UBXN10: variants seen among roughly 807,000 people sequenced by gnomAD.
The protein encoded by UBXN10 is UBX domain protein 10.
In UBXN10, 6 loss-of-function variants were observed where a neutral mutation model predicts 6.9. The observed-to-expected ratio is 0.87, with a 90% CI of 0.48 to 1.72. The LOEUF (loss-of-function observed/expected upper bound fraction) is 1.72, where lower values mean the gene tolerates loss of function less well. Among genes scored for constraint, UBXN10 ranks in the 40% most tolerant of loss-of-function variants. The pLI is 0.01. For synonymous variants in UBXN10, 131 were observed against 135.2 expected (o/e 0.97, Z 0.21); for missense variants, 317 against 348.4 (o/e 0.91, Z 0.72).
At position 20,187,576 on chromosome 1, in the gene UBXN10, G is replaced by T. The variant is rs185364718; in HGVS notation, c.-16+1423G>T. ...CGTGTAACAGATGGTCCCTGTGCTC[G>T]GGAGGAGGCAGTGGGTTATGAAAGC... On this transcript the variant is annotated intron_variant, in intron 1 of 1. Coordinates refer to ENST00000375099, the MANE Select transcript of UBXN10 (RefSeq NM_152376.5). The surrounding 1 kb of genome is among the most constrained non-coding windows in gnomAD (Gnocchi z 4.6). 2.9e-3 allele frequency among the ~76,000 whole-genome samples: 441 copies of T among 152,316 alleles called. 9 individuals carry two copies. Among genetic ancestry groups the T allele is most frequent in the Non-Finnish European group, 6.8e-4 (46 of 68,022 alleles).
rs983675470 is a variant in UBXN10, at chr1:20,192,581, C to G, written c.*1177C>G. 2 of 167,108 alleles carry G rather than the reference C, an allele frequency of 1.2e-5. No homozygotes were observed. Among genetic ancestry groups the G allele is most frequent in the Non-Finnish European group, 2.9e-5 (2 of 68,158 alleles). 10.4% of individuals were successfully genotyped at this position (167,108 alleles called of 1,614,324 possible). Reference sequence around the variant, plus strand: ...AGTTTGCCAATGTTCTCTTCTATTGCAAGTTCAGCCAGACTCCATGACTCA... The same window carrying G: ...AGTTTGCCAATGTTCTCTTCTATTGGAAGTTCAGCCAGACTCCATGACTCA... On this transcript the variant is annotated 3_prime_UTR_variant, in exon 2 of 2. Coordinates refer to ENST00000375099, the MANE Select transcript of UBXN10 (RefSeq NM_152376.5).
chr1:20,188,231 A>C (rs895760414), intron 1 of UBXN10, among the ~76,000 whole-genome samples: 2 of 152,214 alleles, frequency 1.3e-5, no homozygotes, highest in Non-Finnish European at 2.9e-5. Context: ...TTTTGATGCC[A>C]AAAGTTTGCT....
At position 20,195,592 on chromosome 1, in the gene UBXN10, G is replaced by A. The variant is rs189894441; in HGVS notation, c.*4188G>A. On this transcript the variant is annotated 3_prime_UTR_variant, in exon 2 of 2. Coordinates refer to ENST00000375099, the MANE Select transcript of UBXN10 (RefSeq NM_152376.5). ...ACTTAGCTTGACCAATATCGCCAAC[G>A]TGGATTGTTTCTGCAAAAACAAACA... 2.8e-4 allele frequency: 46 copies of A among 167,216 alleles called. No homozygotes were observed. The highest frequency in any genetic ancestry group is 3.9e-4 in the East Asian group (2 of 5,192). The allele number at this position is 167,216 out of a possible 1,614,324, so 10.4% of individuals were successfully genotyped here. A position where few individuals can be genotyped will look rare whatever the true frequency, so the allele number is the denominator to read the frequency against.
upstream of UBXN10, among the ~76,000 whole-genome samples, chr1:20,185,822 A>T (rs1483615249): frequency 6.6e-6 from 1 of 152,172 alleles, no homozygotes; most frequent in African/African-American, 2.4e-5. Flanking sequence ...TGCCCCGGCC[A>T]GGGCTCTCCC....
intron 1 of UBXN10, among the ~76,000 whole-genome samples, chr1:20,190,209 A>C (rs2018465545): frequency 6.6e-6 from 1 of 152,136 alleles, no homozygotes; most frequent in African/African-American, 2.4e-5. Flanking sequence ...TCCTAAAAGA[A>C]TAAGAATTAG....
At chr1:20,186,759 T>C (rs896770437) in intron 1 of UBXN10, among the ~76,000 whole-genome samples, 1 of 152,196 alleles carries the variant, frequency 6.6e-6, no homozygotes, top group African/African-American at 2.4e-5. Flanking sequence ...TGTGGCACTC[T>C]GCATAGGACA....
At position 20,187,081 on chromosome 1, in the gene UBXN10, G is replaced by A. The variant is rs1035902562; in HGVS notation, c.-16+928G>A. Among the ~76,000 whole-genome samples the A allele has an allele frequency of 6.6e-6, 1 of 152,194 alleles. No individual in the cohort carries two copies. The highest frequency in any genetic ancestry group is 1.5e-5 in the Non-Finnish European group (1 of 68,030). On this transcript the variant is annotated intron_variant, in intron 1 of 1. Transcript: ENST00000375099. The surrounding 1 kb of genome is among the most constrained non-coding windows in gnomAD (Gnocchi z 4.6). ...GGGTGGTCTGACCCTGTGGTGGGTGGTGGGCACCCTTAGAAAGCAGGAGCC... is the reference window on the plus strand; with the variant it reads ...GGGTGGTCTGACCCTGTGGTGGGTGATGGGCACCCTTAGAAAGCAGGAGCC...
intron 1 of UBXN10, 125 bp from the exon 2 acceptor site, chr1:20,190,422 C>G (rs1447042442): frequency 8.1e-7 from 1 of 1,227,534 alleles, no homozygotes; most frequent in African/African-American, 1.5e-5. Context: ...TAAATTGCAG[C>G]TGGTGCCCCT....
At position 20,196,002 on chromosome 1, in the gene UBXN10, A is replaced by G. The variant is rs1411859988; in HGVS notation, c.*4598A>G. The G allele has an allele frequency of 6.0e-6, 1 of 166,784 alleles. No homozygotes were observed. The highest frequency in any genetic ancestry group is 1.5e-5 in the Non-Finnish European group (1 of 68,118). The allele number at this position is 166,784 out of a possible 1,614,324, so 10.3% of individuals were successfully genotyped here. On this transcript the variant is annotated 3_prime_UTR_variant, in exon 2 of 2. Coordinates refer to ENST00000375099, the MANE Select transcript of UBXN10 (RefSeq NM_152376.5). ...TGCATTTCTTCTTGGGAAGGCAAAC[A>G]AAGCCATCATTCTGGGGCTTAATTA...
intron 1 of UBXN10, among the ~76,000 whole-genome samples, chr1:20,188,934 A>G (rs1159624336): frequency 6.6e-6 from 1 of 152,218 alleles, no homozygotes; most frequent in Non-Finnish European, 1.5e-5. Context: ...TTAAGTTTCT[A>G]CCATGCACTA....
chr1:20,195,714 G>A lies in UBXN10; in HGVS notation c.*4310G>A, dbSNP rs978433225. On this transcript the variant is annotated 3_prime_UTR_variant, in exon 2 of 2. Transcript: ENST00000375099. ...ATCAAGGAAATGCACGAGTGTTTTT[G>A]GACAAAGTGTACAGAGAAAATCAAA... 6 of 166,988 alleles carry A rather than the reference G, an allele frequency of 3.6e-5. No individual in the cohort carries two copies. The highest frequency in any genetic ancestry group is 1.4e-4 in the African/African-American group (6 of 41,382). The allele number at this position is 166,988 out of a possible 1,614,324, so 10.3% of individuals were successfully genotyped here.
chr1:20,190,186 G>C (rs2018464957), intron 1 of UBXN10, among the ~76,000 whole-genome samples: 1 of 152,158 alleles, frequency 6.6e-6, no homozygotes, highest in African/African-American at 2.4e-5. Flanking sequence ...GTTTTTACCA[G>C]AAACTTCCCC....
In UBXN10 at chr1:20,190,745, C is replaced by T; in HGVS notation, c.184C>T (p.His62Tyr). 4 of 1,614,058 alleles carry T rather than the reference C, an allele frequency of 2.5e-6. No individual in the cohort carries two copies. The highest frequency in any genetic ancestry group is 2.5e-6 in the Non-Finnish European group (3 of 1,180,044). ...CCAGGGCGTGGAGGTGTGCGCTCATCATATACCATCTCCGCCTCCAGCCAT... is the reference window on the plus strand; with the variant it reads ...CCAGGGCGTGGAGGTGTGCGCTCATTATATACCATCTCCGCCTCCAGCCAT... ...KSQGVEVCAH[H>Y]IPSPPPAIPY... The change falls in exon 2 of 2, where the codon CAT becomes TAT. Residue 62 changes from histidine (H) to tyrosine (Y), a missense_variant. Physicochemically the swap from His to Tyr is moderately conservative, Grantham distance 83. Transcript: ENST00000375099.
rs902659263 is a variant in UBXN10, at chr1:20,193,800, A to C, written c.*2396A>C. 6.0e-6 allele frequency: 1 copy of C among 167,108 alleles called. No individual in the cohort carries two copies. Among genetic ancestry groups the C allele is most frequent in the African/African-American group, 2.4e-5 (1 of 41,450 alleles). 10.4% of individuals were successfully genotyped at this position (167,108 alleles called of 1,614,324 possible). On this transcript the variant is annotated 3_prime_UTR_variant, in exon 2 of 2. Coordinates refer to ENST00000375099, the MANE Select transcript of UBXN10 (RefSeq NM_152376.5). ...TCTGATTTTGGGGATTGGCAAGAAC[A>C]AACTAAATCAGAATTCAGAGTTCCT...
Position 20,191,033 on chromosome 1 carries a change from A to G in UBXN10, c.472A>G (p.Thr158Ala). Residue 158 changes from threonine to alanine, a missense_variant, in exon 2 of 2, where the codon ACA (threonine) becomes GCA (alanine). Thr to Ala is a moderately conservative substitution (Grantham distance 58). Coordinates refer to ENST00000375099, the MANE Select transcript of UBXN10 (RefSeq NM_152376.5). The surrounding 1 kb of genome is among the most constrained non-coding windows in gnomAD (Gnocchi z 4.5). ...CCAAGACGAGACGGGCACCATGAAG[A>G]CAAGTGAAGAAGATTCCAGAGCTCG... is the stretch of plus-strand genomic sequence containing the variant. ...LYQDETGTMK[T>A]SEEDSRARAC... 6.2e-6 allele frequency: 10 copies of G among 1,614,132 alleles called. No individual in the cohort carries two copies. Among genetic ancestry groups the G allele is most frequent in the Non-Finnish European group, 8.5e-6 (10 of 1,180,030 alleles).
upstream of UBXN10, among the ~76,000 whole-genome samples, chr1:20,184,826 C>T (rs1486891302): frequency 6.6e-6 from 1 of 151,800 alleles, no homozygotes; most frequent in Non-Finnish European, 1.5e-5. Flanking sequence ...TGGGAGGTTT[C>T]GCAAGCAAAA....
chr1:20,191,095 C>G lies in UBXN10; in HGVS notation c.534C>G (p.Thr178=). The change falls in exon 2 of 2, where the codon ACC becomes ACG. Residue 178 remains threonine (T), a synonymous_variant. Transcript: ENST00000375099. The surrounding 1 kb of genome is among the most constrained non-coding windows in gnomAD (Gnocchi z 4.5). ...TGGAGAGGAAATTCATCGTCCGAAC[C>G]AAGAAACAGGGCTCTTCCAGGGCTG... ...CAVERKFIVR[T]KKQGSSRAGN... The G allele has an allele frequency of 1.2e-6, 2 of 1,614,120 alleles. No homozygotes were observed. Among genetic ancestry groups the G allele is most frequent in the Non-Finnish European group, 1.7e-6 (2 of 1,180,028 alleles).
In UBXN10 at chr1:20,195,224, G is replaced by A. The variant is rs576733278; in HGVS notation, c.*3820G>A. The A allele has an allele frequency of 6.0e-6, 1 of 167,212 alleles. No individual in the cohort carries two copies. The highest frequency in any genetic ancestry group is 2.1e-4 in the South Asian group (1 of 4,826). 10.4% of individuals were successfully genotyped at this position (167,212 alleles called of 1,614,324 possible). A position where few individuals can be genotyped will look rare whatever the true frequency, so the allele number is the denominator to read the frequency against. ...GGAAGCAGCAGCCCTCCTAACAGTC[G>A]ACGCGGAAGCACAAATCTCTGGAGG... On this transcript the variant is annotated 3_prime_UTR_variant, in exon 2 of 2. Coordinates refer to ENST00000375099, the MANE Select transcript of UBXN10 (RefSeq NM_152376.5).
chr1:20,184,971 T>C (rs1221656759), upstream of UBXN10, among the ~76,000 whole-genome samples: 1 of 151,990 alleles, frequency 6.6e-6, no homozygotes, highest in Non-Finnish European at 1.5e-5. Context: ...CTCAGCAACA[T>C]GGCAGAACCC....
Sources: gnomAD v4.1 joint callset for allele counts (sites outside exome capture counted in the v4.1 genomes callset) on GRCh38, gnomAD v4.1.1 for gene constraint, Gnocchi (gnomAD v3.1) non-coding constraint, MANE v1.5 for transcripts, NCBI Gene and HGNC (gene_info 2026-07-23, HGNC 2026-07-21) for gene names.